SPTLC3: variants seen among roughly 807,000 people sequenced by gnomAD.
SPTLC3 encodes serine palmitoyltransferase long chain base subunit 3, also known as serine palmitoyltransferase 3.
SPTLC3 carries 36 observed loss-of-function variants against 59.3 expected under a neutral mutation model. The observed-to-expected ratio is 0.61, with a 90% CI of 0.47 to 0.80. The LOEUF (loss-of-function observed/expected upper bound fraction) is 0.80. Ranked by LOEUF, SPTLC3 falls within the 30% of genes least tolerant of loss-of-function variation. The pLI is 0.00. For missense variants in SPTLC3, 625 were observed against 685.1 expected (o/e 0.91, Z 0.98); for synonymous variants, 257 against 240.8 (o/e 1.07, Z -0.62).
intron 4 of SPTLC3, among the ~76,000 whole-genome samples, chr20:13,082,065 A>G (rs564361860): frequency 1.3e-5 from 2 of 152,198 alleles, no homozygotes; most frequent in Non-Finnish European, 2.9e-5. Context: ...ATTTAGTCCT[A>G]TAGGTTCAAC....
chr20:13,020,341 A>G (rs954874234), intron 1 of SPTLC3, among the ~76,000 whole-genome samples: 1 of 116,050 alleles, frequency 8.6e-6, no homozygotes, highest in African/African-American at 3.5e-5. Flanking sequence ...GCAAGACCCC[A>G]TTTCTTAAAA....
At chr20:13,033,316 T>G (rs965336585) in intron 1 of SPTLC3, among the ~76,000 whole-genome samples, 7 of 152,146 alleles carry the variant, frequency 4.6e-5, no homozygotes, top group African/African-American at 1.4e-4. Context: ...CTATTCATAA[T>G]AAATCTAATT....
chr20:13,019,710 G>T (rs1277353941), intron 1 of SPTLC3, among the ~76,000 whole-genome samples: 2 of 152,176 alleles, frequency 1.3e-5, no homozygotes, highest in African/African-American at 4.8e-5. Context: ...ATAGTCAGTG[G>T]TGCACAAACC....
At chr20:13,049,912 C>T (rs1300406201) in intron 2 of SPTLC3, 3 of 152,162 alleles carry the variant, frequency 2.0e-5, no homozygotes, top group African/African-American at 7.2e-5. Context: ...GAGAGTAATA[C>T]ATCAAGGGAA....
At chr20:13,064,957 C>T (rs1192252417) in intron 2 of SPTLC3, among the ~76,000 whole-genome samples, 2 of 152,148 alleles carry the variant, frequency 1.3e-5, no homozygotes, top group African/African-American at 2.4e-5. Flanking sequence ...TATCTTTTTC[C>T]CATACCATTT....
At chr20:13,061,666 A>G (rs1453240935) in intron 2 of SPTLC3, among the ~76,000 whole-genome samples, 1 of 152,062 alleles carries the variant, frequency 6.6e-6, no homozygotes, top group African/African-American at 2.4e-5. Flanking sequence ...TTTCCTTTGT[A>G]CCCAAAGTCA....
chr20:13,153,601 A>G lies in SPTLC3; in HGVS notation c.1280-402A>G, dbSNP rs554310108. 1.5e-4 allele frequency among the ~76,000 whole-genome samples: 23 copies of G among 151,954 alleles called. No individual in the cohort carries two copies. In the East Asian group the frequency reaches 2.3e-3, roughly 15 times the overall value. On this transcript the variant is annotated intron_variant, in intron 9 of 11. Transcript: ENST00000399002. Reference sequence around the variant, plus strand: ...AATTCAGCTTAGCTAAAAAGCATCTACCAATATCTGCTATGAAGTGTGGGG... The same window carrying G: ...AATTCAGCTTAGCTAAAAAGCATCTGCCAATATCTGCTATGAAGTGTGGGG...
In SPTLC3 at chr20:13,074,367, C is replaced by T. The variant is rs751680123; in HGVS notation, c.477C>T (p.Ile159=). ...NWTFRFTGRV[I]KDVINMGSYN... The stretch of plus-strand genomic sequence containing the variant: ...CCCACAGGTTTACTGGAAGAGTCAT[C>T]AAAGATGTCATCAACATGGGCTCCT... The change falls in exon 4 of 12, where the codon ATC becomes ATT. Residue 159 remains isoleucine, a synonymous_variant. Transcript: ENST00000399002. 9.9e-6 allele frequency: 16 copies of T among 1,613,878 alleles called. No individual in the cohort carries two copies. The South Asian group carries it at 1.5e-4, about 16-fold the overall frequency.
rs2039005645 is a variant in SPTLC3, at chr20:13,168,061, C to G, written c.*3194C>G. The G allele has an allele frequency of 1.3e-5, 2 of 152,070 alleles. No individual in the cohort carries two copies. Among genetic ancestry groups the G allele is most frequent in the South Asian group, 4.1e-4 (2 of 4,828 alleles). 9.4% of individuals were successfully genotyped at this position (152,070 alleles called of 1,614,324 possible). Reference sequence around the variant, plus strand: ...ACTTCTCTTTCTACAAAAATTGATCCAATATTGAAGAACCATCTGCGATTC... The same window carrying G: ...ACTTCTCTTTCTACAAAAATTGATCGAATATTGAAGAACCATCTGCGATTC... On this transcript the variant is annotated 3_prime_UTR_variant, in exon 12 of 12. Transcript: ENST00000399002.
At chr20:13,160,213 G>A (rs1449764524) in intron 11 of SPTLC3, 81 bp downstream of exon 11, 13 of 1,461,610 alleles carry the variant, frequency 8.9e-6, no homozygotes, top group Non-Finnish European at 1.2e-5. Context: ...ACAGCTTGGG[G>A]TTCTCTGGGT....
At chr20:13,121,434 A>G (rs1022169448) in intron 8 of SPTLC3, among the ~76,000 whole-genome samples, 1 of 152,146 alleles carries the variant, frequency 6.6e-6, no homozygotes, top group Non-Finnish European at 1.5e-5. Flanking sequence ...TCAGGGAGTG[A>G]GCTCTAAGAT....
chr20:13,147,662 A>G (rs921700568), intron 9 of SPTLC3, among the ~76,000 whole-genome samples: 4 of 152,202 alleles, frequency 2.6e-5, no homozygotes, highest in Non-Finnish European at 5.9e-5. Context: ...TTTCAGAAAT[A>G]TCAACTTCTT....
At chr20:13,149,934 A>G (rs1432514314) in intron 9 of SPTLC3, among the ~76,000 whole-genome samples, 2 of 152,184 alleles carry the variant, frequency 1.3e-5, no homozygotes, top group Non-Finnish European at 2.9e-5. Flanking sequence ...AGGCCAGGAA[A>G]TCCTCCTAGT....
rs186987239 is a variant in SPTLC3 at position 13,083,620 on chromosome 20, T to C, written c.608-7463T>C. Among the ~76,000 whole-genome samples the C allele has an allele frequency of 3.7e-3, 571 of 152,296 alleles. 3 individuals are homozygous for C. Among genetic ancestry groups the C allele is most frequent in the African/African-American group, 0.013 (551 of 41,572 alleles). ...TCTCAATAACTTTCCCAAGGTCACA[T>C]AGTTAATGAATGGAAAGGCCATGTG... is the stretch of plus-strand genomic sequence containing the variant. On this transcript the variant is annotated intron_variant, in intron 4 of 11. Transcript: ENST00000399002.
At chr20:13,065,873 A>T (rs1271974026) in intron 2 of SPTLC3, among the ~76,000 whole-genome samples, 1 of 65,832 alleles carries the variant, frequency 1.5e-5, no homozygotes, top group African/African-American at 5.0e-5. Context: ...TGTCAAGCTA[A>T]TAACATATCC....
At chr20:13,058,578 G>C (rs576908978) in intron 2 of SPTLC3, among the ~76,000 whole-genome samples, 1 of 152,164 alleles carries the variant, frequency 6.6e-6, no homozygotes, top group African/African-American at 2.4e-5. Context: ...GTAGTGGGGG[G>C]TGAGGCAGAG....
Position 13,104,380 on chromosome 20 carries a change from A to C in SPTLC3, c.827-5732A>C, listed in dbSNP as rs1207459253. On this transcript the variant is annotated intron_variant, in intron 6 of 11. Transcript: ENST00000399002. ...CGTGGTAGTGAATAAGTCTCACGAG[A>C]TCTAATGGTGTTATAAAGGTTTTCC... Among the ~76,000 whole-genome samples the C allele has an allele frequency of 2.6e-5, 4 of 152,172 alleles. No homozygotes were observed. The East Asian group carries it at 5.8e-4, about 22-fold the overall frequency.
chr20:13,074,423 A>C lies in SPTLC3; in HGVS notation c.533A>C (p.Asp178Ala). The C allele has an allele frequency of 6.2e-7, 1 of 1,614,096 alleles. No individual in the cohort carries two copies. The change falls in exon 4 of 12, where the codon GAT becomes GCT. Residue 178 changes from aspartate (D) to alanine (A), a missense_variant. Asp to Ala is a moderately radical substitution (Grantham distance 126). Coordinates refer to ENST00000399002, the MANE Select transcript of SPTLC3 (RefSeq NM_018327.4). ...YNFLGLAAKY[D>A]ESMRTIKDVL... ...TTCCTTGGTCTTGCAGCCAAGTATG[A>C]TGAGTCTATGAGGACAATAAAGGAT...
At chr20:13,013,994 A>C (rs1985390901) in intron 1 of SPTLC3, among the ~76,000 whole-genome samples, 1 of 152,206 alleles carries the variant, frequency 6.6e-6, no homozygotes, top group Non-Finnish European at 1.5e-5. Context: ...CTACTTCACC[A>C]GGACACCCTC....
Sources: gnomAD v4.1 joint callset for allele counts (sites outside exome capture counted in the v4.1 genomes callset) on GRCh38, gnomAD v4.1.1 for gene constraint, MANE v1.5 for transcripts, NCBI Gene and HGNC (gene_info 2026-07-23, HGNC 2026-07-21) for gene names.